Variants in ZNF710 observed in about 807,000 individuals in gnomAD.
ZNF710 encodes zinc finger protein 710.
A neutral mutation model predicts 50.6 loss-of-function variants in ZNF710; 13 were observed. The ratio of observed to expected loss-of-function variants is 0.26; its 90% confidence interval spans 0.17 to 0.41. The LOEUF is 0.41. ZNF710 is among the 10% of genes least tolerant of loss of function. The pLI is 1.00. For synonymous variants in ZNF710, 383 were observed against 397.0 expected (o/e 0.96, Z 0.42); for missense variants, 721 against 936.6 (o/e 0.77, Z 3.01).
chr15:90,050,952 C>T (rs2151507106), intron 1 of ZNF710, among the ~76,000 whole-genome samples: 1 of 152,218 alleles, frequency 6.6e-6, no homozygotes, highest in East Asian at 1.9e-4. Context: ...ATAGCAATTG[C>T]ACAGGCTGGG....
At position 90,079,804 on chromosome 15, in the gene ZNF710, A is replaced by G. The variant is rs1900678592; in HGVS notation, c.1970A>G (p.Glu657Gly). The change falls in exon 5 of 5, where the codon GAG becomes GGG. Residue 657 changes from glutamate (E) to glycine (G), a missense_variant. Around this residue, in one of 3 missense-constraint regions of ZNF710, gnomAD observed 69 missense variants for 67.6 expected, o/e 1.02. Coordinates refer to ENST00000268154, the MANE Select transcript of ZNF710 (RefSeq NM_198526.4). ...ASVLTEQAMKEMAYYNVL is the reference protein window; with the variant it reads ...ASVLTEQAMKGMAYYNVL ...GTCCTCACTGAACAGGCCATGAAAG[A>G]GATGGCCTACTACAATGTGCTATAG... 6.2e-7 allele frequency: 1 copy of G among 1,607,878 alleles called. No individual in the cohort carries two copies. The highest frequency in any genetic ancestry group is 1.1e-5 in the South Asian group (1 of 90,150).
intron 1 of ZNF710, among the ~76,000 whole-genome samples, chr15:90,005,021 A>T (rs1246682343): frequency 6.6e-6 from 1 of 152,208 alleles, no homozygotes; most frequent in Non-Finnish European, 1.5e-5. Flanking sequence ...CTTTCTTCAT[A>T]CTTTGACTTG....
chr15:90,026,796 C>T (rs1898794348), intron 1 of ZNF710, among the ~76,000 whole-genome samples: 1 of 152,078 alleles, frequency 6.6e-6, no homozygotes, highest in South Asian at 2.1e-4. Flanking sequence ...CCAATATGTG[C>T]TGGGGAAAAA....
rs1247183650 is a variant in ZNF710, at chr15:90,034,627, T to C, written c.-28-32483T>C. Among the ~76,000 whole-genome samples the C allele has an allele frequency of 2.0e-5, 3 of 152,134 alleles. No homozygotes were observed. The highest frequency in any genetic ancestry group is 7.2e-5 in the African/African-American group (3 of 41,430). On this transcript the variant is annotated intron_variant, in intron 1 of 4. Coordinates refer to ENST00000268154, the MANE Select transcript of ZNF710 (RefSeq NM_198526.4). The surrounding 1 kb of genome is among the most constrained non-coding windows in gnomAD (Gnocchi z 4.0). ...CAGCTTGGCTGAGCCTCCTCCGGCC[T>C]CTGCCTCACCCGCCAGCTCTTCTCA...
In ZNF710 at chr15:90,072,969, T is replaced by C. The variant is rs528595055; in HGVS notation, c.1459-102T>C. 2.6e-5 allele frequency: 32 copies of C among 1,234,298 alleles called. No individual in the cohort carries two copies. The South Asian group carries it at 3.9e-4, about 15-fold the overall frequency. The allele number at this position is 1,234,298 out of a possible 1,614,324, so 76.5% of individuals were successfully genotyped here. On this transcript the variant is annotated intron_variant, in intron 2 of 4. Coordinates refer to ENST00000268154, the MANE Select transcript of ZNF710 (RefSeq NM_198526.4). ...AGAGACATTTCCCAGAAAGTGTGCC[T>C]TTGTGATGCTATGGCCCTGCCCCTA...
chr15:90,024,527 G>A (rs1055591531), intron 1 of ZNF710, among the ~76,000 whole-genome samples: 1 of 152,242 alleles, frequency 6.6e-6, no homozygotes, highest in Non-Finnish European at 1.5e-5. Context: ...ATGACTCCCA[G>A]TAATGGCAGT....
Position 90,067,575 on chromosome 15 carries a change from C to A in ZNF710, c.438C>A (p.Gly146=), listed in dbSNP as rs74038806. The change falls in exon 2 of 5, where the codon GGC becomes GGA. Residue 146 remains glycine, a synonymous_variant. Transcript: ENST00000268154. This position sits in a 1 kb window ranked among gnomAD's most constrained non-coding sequence, Gnocchi z 8.1. ...AEAPAEAASG[G]CDALVQSSAV... is the part of the protein sequence containing the mutation. ...CCCCCGCCGAGGCGGCCAGTGGCGG[C>A]TGCGACGCCCTGGTGCAGAGCAGCG... is the stretch of plus-strand genomic sequence containing the variant. 0.1 allele frequency: 166,987 copies of A among 1,609,142 alleles called. 9,430 individuals are homozygous for A. Among genetic ancestry groups the A allele is most frequent in the South Asian group, 0.13 (11,671 of 90,622 alleles).
intron 1 of ZNF710, among the ~76,000 whole-genome samples, chr15:90,011,360 C>T (rs1039114168): frequency 5.9e-5 from 9 of 152,236 alleles, no homozygotes; most frequent in South Asian, 4.1e-4. Flanking sequence ...GCTCCTGCCA[C>T]GGCCTCCCAG....
At chr15:90,078,224 AAAAAG>A (rs1283505498) in intron 4 of ZNF710, among the ~76,000 whole-genome samples, 1 of 151,836 alleles carries the variant, frequency 6.6e-6, no homozygotes, top group East Asian at 1.9e-4. Context: ...AAAAAAAAAA[AAAAAG>A]AAGAGAAAAG....
Position 90,001,393 on chromosome 15 carries a change from C to T in ZNF710, c.-250C>T, listed in dbSNP as rs1000013312. The stretch of plus-strand genomic sequence containing the variant: ...GTCAGCCCTGCCTCATTCCCTTCTT[C>T]CAGGGAGGGAGAGAGCGCGAGCGAG... On this transcript the variant is annotated 5_prime_UTR_variant, in exon 1 of 5. Coordinates refer to ENST00000268154, the MANE Select transcript of ZNF710 (RefSeq NM_198526.4). The T allele has an allele frequency of 9.2e-5, 14 of 152,132 alleles. No homozygotes were observed. The highest frequency in any genetic ancestry group is 6.5e-4 in the Admixed American group (10 of 15,286). The allele number at this position is 152,132 out of a possible 1,614,324, so 9.4% of individuals were successfully genotyped here.
intron 1 of ZNF710, among the ~76,000 whole-genome samples, chr15:90,033,621 T>C (rs1201327394): frequency 6.6e-6 from 1 of 152,160 alleles, no homozygotes; most frequent in Admixed American, 6.5e-5. Flanking sequence ...TTCACAGGCA[T>C]GATCATAGCT....
chr15:90,008,424 G>GTATATA (rs1567218324), intron 1 of ZNF710, among the ~76,000 whole-genome samples: 7 of 126,328 alleles, frequency 5.5e-5, no homozygotes, highest in African/African-American at 1.1e-4. Context: ...GTGTGTGTGT[G>GTATATA]TGTATATATA....
rs563985757 is a variant in ZNF710 at position 90,059,763 on chromosome 15, A to T, written c.-28-7347A>T. Among the ~76,000 whole-genome samples, 3 of 152,302 alleles carry T rather than the reference A, an allele frequency of 2.0e-5. No individual in the cohort carries two copies. Among genetic ancestry groups the T allele is most frequent in the African/African-American group, 7.2e-5 (3 of 41,566 alleles). Reference sequence around the variant, plus strand: ...TCTCGCTTCCTCTTCCCTTCTGCGCATGTGAGTAGAGTTTCCCTTGAAGCC... The same window carrying T: ...TCTCGCTTCCTCTTCCCTTCTGCGCTTGTGAGTAGAGTTTCCCTTGAAGCC... On this transcript the variant is annotated intron_variant, in intron 1 of 4. Coordinates refer to ENST00000268154, the MANE Select transcript of ZNF710 (RefSeq NM_198526.4). The surrounding 1 kb of genome is among the most constrained non-coding windows in gnomAD (Gnocchi z 4.1).
At position 90,068,276 on chromosome 15, in the gene ZNF710, G is replaced by C. The variant is rs776531353; in HGVS notation, c.1139G>C (p.Ser380Thr). 2 of 1,613,062 alleles carry C rather than the reference G, an allele frequency of 1.2e-6. No homozygotes were observed. Among genetic ancestry groups the C allele is most frequent in the Admixed American group, 3.3e-5 (2 of 60,032 alleles). Residue 380 changes from serine (S) to threonine (T), a missense_variant, in exon 2 of 5, where the codon AGC (serine) becomes ACC (threonine). This residue lies in a region of ZNF710 where 326 missense variants were observed against 522.0 expected (regional missense o/e 0.62). Coordinates refer to ENST00000268154, the MANE Select transcript of ZNF710 (RefSeq NM_198526.4). This position sits in a 1 kb window ranked among gnomAD's most constrained non-coding sequence, Gnocchi z 5.0. ...CTGCACTCGGAGGTCAAGCCCTACA[G>C]CTGCCACTTCTGCGGCCGCGGCTTC... ...MLLHSEVKPY[S>T]CHFCGRGFAY...
intron 1 of ZNF710, among the ~76,000 whole-genome samples, chr15:90,061,861 C>T (rs1411100599): frequency 1.3e-5 from 2 of 152,290 alleles, no homozygotes; most frequent in South Asian, 2.1e-4. Context: ...AGGAGCCAGG[C>T]GACTTGCCCA....
chr15:90,042,453 C>G (rs115839640), intron 1 of ZNF710, among the ~76,000 whole-genome samples: 1 of 152,022 alleles, frequency 6.6e-6, no homozygotes, highest in Admixed American at 6.5e-5. Flanking sequence ...GAGCTCCACA[C>G]AGACTGAGCG....
chr15:90,063,855 G>C (rs1900086442), intron 1 of ZNF710, among the ~76,000 whole-genome samples: 1 of 152,130 alleles, frequency 6.6e-6, no homozygotes, highest in African/African-American at 2.4e-5. Context: ...CTGGTATTAG[G>C]CTGCAGGGGA....
At position 90,062,177 on chromosome 15, in the gene ZNF710, GC is replaced by G. The variant is rs1271229217; in HGVS notation, c.-28-4926del. ...TCCCCCTCACTCAGGCTCCTCCTCT[GC>G]CCCCCCTTCCCTGTCTCTTCATTTC... On this transcript the variant is annotated intron_variant, in intron 1 of 4. Transcript: ENST00000268154. This position sits in a 1 kb window ranked among gnomAD's most constrained non-coding sequence, Gnocchi z 5.6. Among the ~76,000 whole-genome samples the G allele has an allele frequency of 7.8e-6, 1 of 127,910 alleles. No individual in the cohort carries two copies. Among genetic ancestry groups the G allele is most frequent in the African/African-American group, 3.0e-5 (1 of 32,884 alleles). The allele number at this position is 127,910 out of a possible 152,430, so 83.9% of individuals were successfully genotyped here. A position where few individuals can be genotyped will look rare whatever the true frequency, so the allele number is the denominator to read the frequency against.
rs1194166774 is a variant in ZNF710, at chr15:90,040,225, G to A, written c.-28-26885G>A. Among the ~76,000 whole-genome samples, 6 of 152,208 alleles carry A rather than the reference G, an allele frequency of 3.9e-5. No individual in the cohort carries two copies. The East Asian group carries it at 1.2e-3, about 29-fold the overall frequency. On this transcript the variant is annotated intron_variant, in intron 1 of 4. Coordinates refer to ENST00000268154, the MANE Select transcript of ZNF710 (RefSeq NM_198526.4). The surrounding 1 kb of genome is among the most constrained non-coding windows in gnomAD (Gnocchi z 4.6). ...GTGGCCACTGCCTCCTCTGCACGTA[G>A]ATCATACCGCCTTTGTTGAGGAAGT...
Sources: allele counts gnomAD v4.1 joint callset (sites outside exome capture counted in the v4.1 genomes callset), GRCh38; gene constraint gnomAD v4.1.1; regional missense constraint gnomAD v4.1.1; non-coding constraint Gnocchi (gnomAD v3.1); transcripts MANE v1.5; gene names NCBI Gene and HGNC (gene_info 2026-07-23, HGNC 2026-07-21).